The following EYS variants were observed in gnomAD, a reference collection of about 807,000 sequenced individuals.
EYS encodes EGF-like photoreceptor maintenance factor.
A neutral mutation model predicts 282.1 loss-of-function variants in EYS; 250 were observed. The observed-to-expected ratio is 0.89, with a 90% confidence interval of 0.80 to 0.98. The LOEUF (loss-of-function observed/expected upper bound fraction) is 0.98, where lower values mean the gene tolerates loss of function less well. Ranked by LOEUF, EYS falls within the 50% of genes least tolerant of loss-of-function variation. The pLI, the probability that EYS is intolerant of heterozygous loss-of-function variation, is 0.00. For missense variants in EYS, 4,016 were observed against 3,709.0 expected, an observed-to-expected ratio of 1.08 and a Z score of -2.15; for synonymous variants, 1,355 against 1,282.9, an observed-to-expected ratio of 1.06 and a Z score of -1.20.
chr6:64,167,979 T>C (rs539751445), intron 31 of EYS, among the ~76,000 whole-genome samples: 4 of 152,238 alleles, frequency 2.6e-5, no homozygotes, highest in South Asian at 4.1e-4. Context: ...AACCAGACAA[T>C]AGGCCAGGCG....
At chr6:63,944,438 C>G (rs1765332871) in intron 35 of EYS, among the ~76,000 whole-genome samples, 2 of 152,036 alleles carry the variant, frequency 1.3e-5, no homozygotes, top group Non-Finnish European at 2.9e-5. Flanking sequence ...CTTTAAATTT[C>G]TAAATTAAAA....
chr6:64,356,161 C>T (rs1364781672), intron 29 of EYS, among the ~76,000 whole-genome samples: 1 of 151,204 alleles, frequency 6.6e-6, no homozygotes, highest in African/African-American at 2.4e-5. Context: ...ATTTGTATTC[C>T]ATCGCACTTG....
chr6:64,977,335 G>C (rs1370503554), intron 14 of EYS, among the ~76,000 whole-genome samples: 1 of 151,738 alleles, frequency 6.6e-6, no homozygotes, highest in Non-Finnish European at 1.5e-5. Context: ...TACTATTGAA[G>C]TTACTTTGGG....
intron 29 of EYS, among the ~76,000 whole-genome samples, chr6:64,376,921 A>G (rs1772579182): frequency 6.6e-6 from 1 of 152,156 alleles, no homozygotes; most frequent in African/African-American, 2.4e-5. Flanking sequence ...ATCCTTGACT[A>G]CACCCACTAC....
chr6:65,326,324 A>G (rs1304779944), intron 11 of EYS, among the ~76,000 whole-genome samples: 1 of 151,754 alleles, frequency 6.6e-6, no homozygotes, highest in Non-Finnish European at 1.5e-5. Context: ...GAATTATCTG[A>G]TAAATTTTTA....
At chr6:65,125,166 T>C (rs1006754579) in intron 12 of EYS, among the ~76,000 whole-genome samples, 1 of 152,226 alleles carries the variant, frequency 6.6e-6, no homozygotes, top group Non-Finnish European at 1.5e-5. Context: ...ATTCCAAAAG[T>C]GTCACTGTTA....
intron 35 of EYS, among the ~76,000 whole-genome samples, chr6:63,970,810 A>T (rs1461212449): frequency 6.6e-6 from 1 of 152,164 alleles, no homozygotes; most frequent in Non-Finnish European, 1.5e-5. Context: ...ATTTTTATTT[A>T]AAAATGATGA....
chr6:65,323,636 A>ATC (rs1365761028), intron 11 of EYS, among the ~76,000 whole-genome samples: 2 of 117,916 alleles, frequency 1.7e-5, no homozygotes, highest in African/African-American at 6.8e-5. Flanking sequence ...GAGGCAAAAT[A>ATC]TCTCAGTCAA....
chr6:65,647,100 T>C (rs140345454), intron 1 of EYS, among the ~76,000 whole-genome samples: 20 of 152,158 alleles, frequency 1.3e-4, no homozygotes, highest in African/African-American at 4.8e-4. Context: ...AAAAGCAACC[T>C]ACAAATTAAA....
chr6:65,045,525 T>A (rs1773075858), intron 13 of EYS, among the ~76,000 whole-genome samples: 1 of 151,696 alleles, frequency 6.6e-6, no homozygotes, highest in African/African-American at 2.4e-5. Context: ...GAAATTCGAG[T>A]CCTTATAAAA....
At chr6:63,970,484 A>T (rs1221464281) in intron 35 of EYS, among the ~76,000 whole-genome samples, 1 of 152,052 alleles carries the variant, frequency 6.6e-6, no homozygotes, top group Non-Finnish European at 1.5e-5. Flanking sequence ...AAATACAAAA[A>T]ATTAGCTGGG....
chr6:64,265,661 T>G lies in EYS; in HGVS notation c.6192-34837A>C, dbSNP rs185581370. On this transcript the variant is annotated intron_variant, in intron 30 of 42. Coordinates refer to ENST00000503581, the MANE Select transcript of EYS (RefSeq NM_001142800.2). ...CTCAAAGTAGAAAGGACAAGTATGTTGACCTTAGTCACATCTGAGTACTTC... is the reference window on the plus strand; with the variant it reads ...CTCAAAGTAGAAAGGACAAGTATGTGGACCTTAGTCACATCTGAGTACTTC... Among the ~76,000 whole-genome samples the G allele has an allele frequency of 1.6e-4, 25 of 152,278 alleles. No homozygotes were observed. The East Asian group carries it at 4.6e-3, about 28-fold the overall frequency.
intron 33 of EYS, among the ~76,000 whole-genome samples, chr6:64,045,051 G>A (rs1029680674): frequency 3.9e-5 from 6 of 152,126 alleles, no homozygotes; most frequent in Non-Finnish European, 5.9e-5. Context: ...GGAAAAGTAA[G>A]ATGGCCCTTA....
At chr6:64,634,227 CT>C (rs774770310) in intron 22 of EYS, among the ~76,000 whole-genome samples, 8 of 152,188 alleles carry the variant, frequency 5.3e-5, no homozygotes, top group Admixed American at 2.6e-4. Context: ...CGTGATCCGC[CT>C]GCCTTGGCCT....
chr6:63,817,100 A>C (rs1771197522), intron 36 of EYS, among the ~76,000 whole-genome samples: 1 of 152,352 alleles, frequency 6.6e-6, no homozygotes, highest in African/African-American at 2.4e-5. Context: ...CTTTACAGAA[A>C]CCAGAGAGCA....
At chr6:65,361,405 A>G (rs189455524) in intron 8 of EYS, among the ~76,000 whole-genome samples, 53 of 152,154 alleles carry the variant, frequency 3.5e-4, no homozygotes, top group Middle Eastern at 3.4e-3. Context: ...TGAATGATCA[A>G]TTTAATTTAA....
intron 31 of EYS, among the ~76,000 whole-genome samples, chr6:64,131,110 C>T (rs1222813470): frequency 2.3e-5 from 1 of 43,994 alleles, no homozygotes; most frequent in Non-Finnish European, 4.1e-5. Flanking sequence ...TCGTGATCCT[C>T]CCCCCCTTGG....
Position 64,995,724 on chromosome 6 carries a change from C to CA in EYS, c.2259+1857_2259+1858insT, listed in dbSNP as rs1554225565. On this transcript the variant is annotated intron_variant, in intron 14 of 42. Coordinates refer to ENST00000503581, the MANE Select transcript of EYS (RefSeq NM_001142800.2). ...TTTGCTTCTTTCTGCTTCCCCCCCGCCCCATATTCTTATTATCACAATTTC... is the reference window on the plus strand; with the variant it reads ...TTTGCTTCTTTCTGCTTCCCCCCCGCACCCATATTCTTATTATCACAATTTC... Among the ~76,000 whole-genome samples the CA allele has an allele frequency of 3.4e-5, 5 of 148,990 alleles. No individual in the cohort carries two copies. In the South Asian group the frequency reaches 1.1e-3, roughly 32 times the overall value.
chr6:64,377,284 G>A (rs1772592199), intron 29 of EYS, among the ~76,000 whole-genome samples: 1 of 152,088 alleles, frequency 6.6e-6, no homozygotes, highest in Non-Finnish European at 1.5e-5. Context: ...AACATATTAG[G>A]ATTTTTAAAT....
Sources: allele counts gnomAD v4.1 joint callset (sites outside exome capture counted in the v4.1 genomes callset), GRCh38; gene constraint gnomAD v4.1.1; transcripts MANE v1.5; gene names NCBI Gene and HGNC (gene_info 2026-07-23, HGNC 2026-07-21).